TRPS1: variants seen among roughly 807,000 people sequenced by gnomAD.
TRPS1 encodes zinc finger transcription factor Trps1.
Under a neutral mutation model 101.2 loss-of-function variants are expected in TRPS1, and 6 were observed. That is an observed-to-expected ratio of 0.06 (90% CI 0.03 to 0.12). The LOEUF is 0.12. Ranked by LOEUF, TRPS1 falls within the 10% of genes least tolerant of loss-of-function variation. The pLI, the probability that TRPS1 is intolerant of heterozygous loss-of-function variation, is 1.00. For synonymous variants in TRPS1, 578 were observed against 589.8 expected (o/e 0.98, Z 0.29); for missense variants, 1,363 against 1,567.0 (o/e 0.87, Z 2.20).
chr8:115,504,415 T>A (rs1815392057), intron 5 of TRPS1, among the ~76,000 whole-genome samples: 1 of 152,208 alleles, frequency 6.6e-6, no homozygotes, highest in African/African-American at 2.4e-5. Context: ...TCTTACTCCC[T>A]ACAAAATAAA....
chr8:115,560,354 G>A (rs1225802996), intron 5 of TRPS1, among the ~76,000 whole-genome samples: 1 of 152,094 alleles, frequency 6.6e-6, no homozygotes, highest in African/African-American at 2.4e-5. Flanking sequence ...AGAAATCTTT[G>A]CTGACTAAAG....
At chr8:115,524,150 C>T (rs929312861) in intron 5 of TRPS1, among the ~76,000 whole-genome samples, 2 of 151,904 alleles carry the variant, frequency 1.3e-5, no homozygotes, top group Non-Finnish European at 2.9e-5. Flanking sequence ...TTTACTTCCC[C>T]ATCTAGATGC....
At chr8:115,472,050 G>A (rs1399083919) in intron 5 of TRPS1, among the ~76,000 whole-genome samples, 1 of 152,176 alleles carries the variant, frequency 6.6e-6, no homozygotes, top group Admixed American at 6.5e-5. Flanking sequence ...GGGGTCTAGA[G>A]GACGATGGCC....
chr8:115,574,184 T>C (rs1327675443), intron 5 of TRPS1, among the ~76,000 whole-genome samples: 1 of 152,184 alleles, frequency 6.6e-6, no homozygotes, highest in Admixed American at 6.5e-5. Context: ...AAATTAATAT[T>C]TATCGGACAA....
At chr8:115,498,277 C>A (rs1317487432) in intron 5 of TRPS1, among the ~76,000 whole-genome samples, 1 of 150,550 alleles carries the variant, frequency 6.6e-6, no homozygotes, top group Non-Finnish European at 1.5e-5. Context: ...TACTGGGAGG[C>A]TGAGGTGGGA....
chr8:115,498,929 C>T (rs1293082419), intron 5 of TRPS1, among the ~76,000 whole-genome samples: 2 of 152,088 alleles, frequency 1.3e-5, no homozygotes, highest in African/African-American at 4.8e-5. Context: ...TCAGAATAGA[C>T]TTCCTAAAAT....
chr8:115,531,655 G>T (rs1394043199), intron 5 of TRPS1, among the ~76,000 whole-genome samples: 2 of 152,102 alleles, frequency 1.3e-5, no homozygotes, highest in Non-Finnish European at 2.9e-5. Flanking sequence ...GGAATGGGAG[G>T]AAGCTGGGGA....
chr8:115,537,817 C>G (rs1170896901), intron 5 of TRPS1, among the ~76,000 whole-genome samples: 1 of 152,180 alleles, frequency 6.6e-6, no homozygotes. Context: ...AACTTAAAAA[C>G]TGGACAATTA....
chr8:115,636,827 G>C (rs1002563103), intron 1 of TRPS1, among the ~76,000 whole-genome samples: 2 of 151,868 alleles, frequency 1.3e-5, no homozygotes, highest in African/African-American at 2.4e-5. Flanking sequence ...CAGGAGAATC[G>C]CTTGAACCTG....
At chr8:115,606,728 T>C (rs1166360837) in intron 3 of TRPS1, among the ~76,000 whole-genome samples, 1 of 150,018 alleles carries the variant, frequency 6.7e-6, no homozygotes, top group Non-Finnish European at 1.5e-5. Context: ...TTCATAATAC[T>C]GAAATATAAT....
At chr8:115,634,261 C>T (rs924282970) in intron 1 of TRPS1, among the ~76,000 whole-genome samples, 18 of 152,138 alleles carry the variant, frequency 1.2e-4, no homozygotes, top group African/African-American at 3.4e-4. Context: ...AGCTTGAGAA[C>T]TTTGGGTTTA....
chr8:115,502,281 A>C (rs759281079), intron 5 of TRPS1, among the ~76,000 whole-genome samples: 7 of 152,300 alleles, frequency 4.6e-5, no homozygotes, highest in Non-Finnish European at 8.8e-5. Flanking sequence ...AGAGAAGGCC[A>C]ACAAATAATA....
At chr8:115,623,542 T>C in intron 2 of TRPS1, 59 bp downstream of exon 2, 1 of 1,580,520 alleles carries the variant, frequency 6.3e-7, no homozygotes, top group Middle Eastern at 1.7e-4. Context: ...CACGATGTTT[T>C]ACTGTGTGCC....
chr8:115,504,995 T>C (rs886696211), intron 5 of TRPS1, among the ~76,000 whole-genome samples: 2 of 152,102 alleles, frequency 1.3e-5, no homozygotes, highest in African/African-American at 4.8e-5. Flanking sequence ...CATATTCATA[T>C]AGAGAACCAC....
chr8:115,471,806 G>A (rs1814476672), intron 5 of TRPS1, among the ~76,000 whole-genome samples: 1 of 152,184 alleles, frequency 6.6e-6, no homozygotes, highest in South Asian at 2.1e-4. Context: ...CCCCATGCAA[G>A]TCCGAAATCC....
intron 1 of TRPS1, among the ~76,000 whole-genome samples, chr8:115,627,341 C>G (rs184834111): frequency 6.6e-6 from 1 of 151,850 alleles, no homozygotes; most frequent in African/African-American, 2.4e-5. Context: ...CACACACACA[C>G]AATTAAAATA....
intron 1 of TRPS1, among the ~76,000 whole-genome samples, chr8:115,635,241 C>G (rs953777659): frequency 6.6e-6 from 1 of 152,176 alleles, no homozygotes; most frequent in Non-Finnish European, 1.5e-5. Context: ...TACCACTTCC[C>G]TTTCATGGAA....
intron 5 of TRPS1, among the ~76,000 whole-genome samples, chr8:115,445,336 C>A (rs1173617375): frequency 1.3e-5 from 2 of 152,176 alleles, no homozygotes; most frequent in South Asian, 4.1e-4. Context: ...TCCAAGCCTA[C>A]CTCGTCAGCT....
intron 5 of TRPS1, among the ~76,000 whole-genome samples, chr8:115,511,776 A>G (rs901428571): frequency 1.3e-5 from 2 of 151,962 alleles, no homozygotes; most frequent in Non-Finnish European, 2.9e-5. Context: ...ATTGCTAGTC[A>G]AGTTAAATAA....
Sources: allele counts gnomAD v4.1 joint callset (sites outside exome capture counted in the v4.1 genomes callset), GRCh38; gene constraint gnomAD v4.1.1; transcripts MANE v1.5; gene names NCBI Gene and HGNC (gene_info 2026-07-23, HGNC 2026-07-21).